Variants in MROH9 observed in about 807,000 individuals in gnomAD.
The protein encoded by MROH9 is maestro heat like repeat family member 9, also known as maestro heat-like repeat-containing protein family member 9.
In MROH9, 92 loss-of-function variants were observed where a neutral mutation model predicts 98.2. The ratio of observed to expected loss-of-function variants is 0.94; its 90% CI spans 0.79 to 1.11. MROH9 has a LOEUF of 1.11. Among genes scored for constraint, MROH9 ranks in the 50% most tolerant of loss-of-function variants. The pLI is 0.00. For synonymous variants in MROH9, 397 were observed against 368.9 expected, an observed-to-expected ratio of 1.08 and a Z score of -0.87; for missense variants, 1,057 against 1,014.8, an observed-to-expected ratio of 1.04 and a Z score of -0.57.
chr1:170,960,831 G>C (rs1237025433), intron 5 of MROH9, among the ~76,000 whole-genome samples: 2 of 152,078 alleles, frequency 1.3e-5, no homozygotes, highest in African/African-American at 4.8e-5. Flanking sequence ...TTCTCACTAT[G>C]TTGTCCAAGC....
At position 170,998,160 on chromosome 1, in the gene MROH9, C is replaced by T; in HGVS notation, c.1482C>T (p.Leu494=). The T allele has an allele frequency of 1.2e-6, 2 of 1,600,996 alleles. No individual in the cohort carries two copies. Among genetic ancestry groups the T allele is most frequent in the Non-Finnish European group, 1.7e-6 (2 of 1,175,528 alleles). The stretch of plus-strand genomic sequence containing the variant: ...GCCTTATTCTCTTTTACAGAACTCT[C>T]AGTGAATATAACTTTCCACAGTTTC... ...YHGVCFIAKT[L]SEYNFPQFPE... The change falls in exon 15 of 22, where the codon CTC becomes CTT. Residue 494 remains leucine, a synonymous_variant. Transcript: ENST00000367759.
At chr1:171,013,398 T>A (rs1652224564) in intron 15 of MROH9, among the ~76,000 whole-genome samples, 1 of 152,058 alleles carries the variant, frequency 6.6e-6, no homozygotes, top group Admixed American at 6.5e-5. Context: ...ATGCAAGGGA[T>A]CTAGGTTGTA....
intron 20 of MROH9, among the ~76,000 whole-genome samples, chr1:171,034,524 T>C (rs1317190588): frequency 3.9e-5 from 6 of 152,222 alleles, no homozygotes; most frequent in Non-Finnish European, 8.8e-5. Context: ...CAACACTTAA[T>C]GTCCATTAAT....
At chr1:171,030,862 T>C (rs961797093) in intron 20 of MROH9, among the ~76,000 whole-genome samples, 3 of 152,094 alleles carry the variant, frequency 2.0e-5, no homozygotes, top group Non-Finnish European at 4.4e-5. Flanking sequence ...TGTCTAGTTC[T>C]GTCTAATACT....
At position 170,936,004 on chromosome 1, in the gene MROH9, A is replaced by G. The variant is rs868154380; in HGVS notation, c.-38+417A>G. On this transcript the variant is annotated intron_variant, in intron 1 of 21. Transcript: ENST00000367759. ...AGACAAAAAAAAAAAAAAAAAAAAA[A>G]AAAAGAAAAGAAAAAGAAAATTACA... Among the ~76,000 whole-genome samples the G allele has an allele frequency of 1.5e-4, 22 of 148,312 alleles. 1 individual carries two copies. The highest frequency in any genetic ancestry group is 5.8e-4 in the East Asian group (3 of 5,132).
At position 171,006,826 on chromosome 1, in the gene MROH9, T is replaced by TC. The variant is rs201182172; in HGVS notation, c.1597-7291_1597-7290insC. Among the ~76,000 whole-genome samples, 3 of 148,786 alleles carry TC rather than the reference T, an allele frequency of 2.0e-5. No homozygotes were observed. In the East Asian group the frequency reaches 5.8e-4, roughly 29 times the overall value. On this transcript the variant is annotated intron_variant, in intron 15 of 21. Coordinates refer to ENST00000367759, the MANE Select transcript of MROH9 (RefSeq NM_001163629.2). Reference sequence around the variant, plus strand: ...TCCAGGGTTTCTGTTTTGTTATTTTTTTTTTAATTAAGTGTCTCTTTCTGG... The same window carrying TC: ...TCCAGGGTTTCTGTTTTGTTATTTTTCTTTTTAATTAAGTGTCTCTTTCTGG...
In MROH9 at chr1:171,035,423, C is replaced by T. The variant is rs80082479; in HGVS notation, c.2281+10003C>T. On this transcript the variant is annotated intron_variant, in intron 20 of 21. Transcript: ENST00000367759. ...CCATTTCACACCAATAAAGTAGCAA[C>T]GTTTTTTAAAATATAAAAAAATAAA... Among the ~76,000 whole-genome samples the T allele has an allele frequency of 6.9e-3, 1,051 of 151,756 alleles. 12 individuals are homozygous for T. Among genetic ancestry groups the T allele is most frequent in the African/African-American group, 0.024 (1,012 of 41,458 alleles).
chr1:170,948,692 T>C (rs1649430083), intron 3 of MROH9, among the ~76,000 whole-genome samples: 1 of 152,040 alleles, frequency 6.6e-6, no homozygotes, highest in African/African-American at 2.4e-5. Context: ...TGTTATAAGC[T>C]ATGAAGAAGT....
At chr1:170,938,939 C>A (rs1649007100) in intron 1 of MROH9, among the ~76,000 whole-genome samples, 1 of 152,172 alleles carries the variant, frequency 6.6e-6, no homozygotes, top group Admixed American at 6.5e-5. Context: ...GTTGCTGGAC[C>A]CATACATAAT....
Position 170,998,265 on chromosome 1 carries a change from C to T in MROH9, c.1587C>T (p.Phe529=), listed in dbSNP as rs1456452984. The T allele has an allele frequency of 3.7e-6, 6 of 1,613,294 alleles. No homozygotes were observed. The highest frequency in any genetic ancestry group is 2.5e-6 in the Non-Finnish European group (3 of 1,179,606). ...AAGACACTGTCATCGTATTAATATT[C>T]CTCACTGAAGTGAGTTTTGTAGACT... ...RSEDTVIVLI[F]LTELLNNFFK... is the part of the protein sequence containing the mutation. The change falls in exon 15 of 22, where the codon TTC becomes TTT. Residue 529 remains phenylalanine, a synonymous_variant. Transcript: ENST00000367759.
chr1:171,042,036 G>C (rs1001293293), intron 20 of MROH9, among the ~76,000 whole-genome samples: 1 of 151,820 alleles, frequency 6.6e-6, no homozygotes, highest in Non-Finnish European at 1.5e-5. Context: ...GTTATTATTG[G>C]CTACAGTCAT....
At chr1:170,953,655 A>T (rs1362199983) in intron 3 of MROH9, among the ~76,000 whole-genome samples, 1 of 151,900 alleles carries the variant, frequency 6.6e-6, no homozygotes, top group Non-Finnish European at 1.5e-5. Flanking sequence ...ATATATGATC[A>T]ATTTCAAATG....
At chr1:171,028,909 T>C (rs1652817455) in intron 20 of MROH9, among the ~76,000 whole-genome samples, 1 of 152,090 alleles carries the variant, frequency 6.6e-6, no homozygotes, top group African/African-American at 2.4e-5. Flanking sequence ...TTAAGGAGTT[T>C]TTGGGCTGAG....
At chr1:170,991,567 T>A (rs58049435) in intron 11 of MROH9, among the ~76,000 whole-genome samples, 1 of 151,998 alleles carries the variant, frequency 6.6e-6, no homozygotes, top group Non-Finnish European at 1.5e-5. Context: ...GTAAGACTAA[T>A]CTTGAAGAGT....
intron 8 of MROH9, among the ~76,000 whole-genome samples, chr1:170,982,496 G>A (rs1650972304): frequency 6.6e-6 from 1 of 152,140 alleles, no homozygotes; most frequent in South Asian, 2.1e-4. Flanking sequence ...AAGGGCATGA[G>A]GAAACTTTTG....
At position 170,965,170 on chromosome 1, in the gene MROH9, G is replaced by C. The variant is rs200830573; in HGVS notation, c.395G>C (p.Ser132Thr). The C allele has an allele frequency of 6.2e-7, 1 of 1,610,392 alleles. No individual in the cohort carries two copies. Among genetic ancestry groups the C allele is most frequent in the Non-Finnish European group, 8.5e-7 (1 of 1,177,380 alleles). The change falls in exon 7 of 22, where the codon AGT becomes ACT. Residue 132 changes from serine (S) to threonine (T), a missense_variant. By Grantham distance (58) the Ser-to-Thr change is moderately conservative (BLOSUM62 1). Coordinates refer to ENST00000367759, the MANE Select transcript of MROH9 (RefSeq NM_001163629.2). ...CAACAGGAAATGCTCGTGTGGATGA[G>C]TAAAGATAGCTCATATCTGCAAGAG... ...QILKEMLVWM[S>T]KDSSYLQERI...
chr1:171,017,661 G>C (rs559402562), intron 17 of MROH9, among the ~76,000 whole-genome samples: 1 of 152,236 alleles, frequency 6.6e-6, no homozygotes, highest in East Asian at 1.9e-4. Context: ...CCCATGGTGG[G>C]GGTAGGGCAG....
At chr1:171,002,073 CA>C (rs368293230) in intron 15 of MROH9, among the ~76,000 whole-genome samples, 6 of 151,592 alleles carry the variant, frequency 4.0e-5, no homozygotes, top group African/African-American at 1.2e-4. Flanking sequence ...TGCTCACTTG[CA>C]GTGTTCATTT....
At chr1:170,936,667 A>G (rs1200139395) in intron 1 of MROH9, among the ~76,000 whole-genome samples, 1 of 152,242 alleles carries the variant, frequency 6.6e-6, no homozygotes, top group Non-Finnish European at 1.5e-5. Flanking sequence ...CTTAAGCCAT[A>G]GTTAATCTCC....
Sources: allele counts gnomAD v4.1 joint callset (sites outside exome capture counted in the v4.1 genomes callset), GRCh38; gene constraint gnomAD v4.1.1; transcripts MANE v1.5; gene names NCBI Gene and HGNC (gene_info 2026-07-23, HGNC 2026-07-21).